Variants in MYOM1 observed in about 807,000 individuals in gnomAD.
The protein encoded by MYOM1 is myomesin-1.
MYOM1 carries 164 observed loss-of-function variants against 205.3 expected under a neutral mutation model. The observed-to-expected ratio is 0.80, with a 90% confidence interval of 0.70 to 0.91. The LOEUF (loss-of-function observed/expected upper bound fraction) is 0.91, where lower values mean the gene tolerates loss of function less well. Among genes scored for constraint, MYOM1 ranks in the 40% least tolerant of loss-of-function variants. MYOM1 has a pLI of 0.00. For missense variants in MYOM1, 2,011 were observed against 2,127.3 expected (o/e 0.95, Z 1.08); for synonymous variants, 772 against 789.4 (o/e 0.98, Z 0.37).
At chr18:3,147,818 T>G (rs115838478) in intron 13 of MYOM1, among the ~76,000 whole-genome samples, 1 of 152,184 alleles carries the variant, frequency 6.6e-6, no homozygotes, top group African/African-American at 2.4e-5. Flanking sequence ...ATAGTAATAA[T>G]TGAGGCCCTT....
At chr18:3,127,945 G>A (rs1274675883) in intron 18 of MYOM1, among the ~76,000 whole-genome samples, 1 of 152,112 alleles carries the variant, frequency 6.6e-6, no homozygotes, top group Non-Finnish European at 1.5e-5. Flanking sequence ...CATTTATGTG[G>A]CTTTGCTGAT....
At chr18:3,085,220 C>A in intron 30 of MYOM1, 88 bp from the exon 31 acceptor site, 1 of 244,872 alleles carries the variant, frequency 4.1e-6, no homozygotes, top group South Asian at 4.5e-5. Flanking sequence ...GCTTCTTCTG[C>A]TGCTGCTGCT....
Position 3,105,458 on chromosome 18 carries a change from C to T in MYOM1, c.3419-2828G>A, listed in dbSNP as rs563966959. On this transcript the variant is annotated intron_variant, in intron 22 of 37. Transcript: ENST00000356443. ...AAATTTTAAAGTATTAATGCTTTAG[C>T]GGTAAACCCTCAGGCAAATGGAACA... Among the ~76,000 whole-genome samples the T allele has an allele frequency of 2.1e-4, 32 of 152,224 alleles. No individual in the cohort carries two copies. In the East Asian group the frequency reaches 2.3e-3, roughly 11 times the overall value.
At chr18:3,177,479 ATTATTAT>A (rs1362281217) in intron 5 of MYOM1, among the ~76,000 whole-genome samples, 1 of 146,142 alleles carries the variant, frequency 6.8e-6, no homozygotes, top group Non-Finnish European at 1.5e-5. Flanking sequence ...TATTATTATT[ATTATTAT>A]TTGAGACAGA....
upstream of MYOM1, among the ~76,000 whole-genome samples, chr18:3,223,507 G>C (rs914267994): frequency 1.7e-4 from 26 of 152,252 alleles, no homozygotes; most frequent in African/African-American, 6.3e-4. Flanking sequence ...CTAGTCCTGT[G>C]GTTTACTGAG....
intron 2 of MYOM1, among the ~76,000 whole-genome samples, chr18:3,200,916 A>C: frequency 6.6e-6 from 1 of 152,206 alleles, no homozygotes; most frequent in East Asian, 1.9e-4. Context: ...ACAGAAAAAG[A>C]TACTTAGACC....
chr18:3,149,030 T>G (rs2143976218), intron 13 of MYOM1, 115 bp downstream of exon 13: 1 of 811,130 alleles, frequency 1.2e-6, no homozygotes, highest in East Asian at 2.5e-5. Context: ...CTCCAGATAT[T>G]TTAGAATGTT....
chr18:3,183,909 CTTTT>C (rs1555627860), intron 5 of MYOM1, among the ~76,000 whole-genome samples: 1 of 143,400 alleles, frequency 7.0e-6, no homozygotes. Context: ...CGTTCTCTCT[CTTTT>C]TTTTTTTTTT....
chr18:3,160,520 G>T (rs1265725992), intron 10 of MYOM1, among the ~76,000 whole-genome samples: 2 of 152,100 alleles, frequency 1.3e-5, no homozygotes, highest in South Asian at 2.1e-4. Flanking sequence ...GGTAATGGTT[G>T]CCCAACTCTG....
At chr18:3,222,456 G>A (rs1022780941), upstream of MYOM1, among the ~76,000 whole-genome samples, 2 of 152,154 alleles carry the variant, frequency 1.3e-5, no homozygotes, top group African/African-American at 4.8e-5. Flanking sequence ...CAGGGATCTT[G>A]AGTATCAATG....
intron 13 of MYOM1, among the ~76,000 whole-genome samples, chr18:3,147,297 C>T (rs903654729): frequency 3.3e-5 from 5 of 151,094 alleles, no homozygotes; most frequent in African/African-American, 4.9e-5. Context: ...GAGGAGCAAA[C>T]GAATGTATGA....
At chr18:3,089,896 G>C (rs1446357293) in intron 27 of MYOM1, among the ~76,000 whole-genome samples, 1 of 152,202 alleles carries the variant, frequency 6.6e-6, no homozygotes, top group Non-Finnish European at 1.5e-5. Flanking sequence ...TAAGTGAGCA[G>C]CTGATTTACT....
rs1448213576 is a variant in MYOM1 at position 3,214,998 on chromosome 18, G to A, written c.226C>T (p.His76Tyr). Residue 76 changes from histidine to tyrosine, a missense_variant, in exon 2 of 38, where the codon CAC becomes TAC. His to Tyr is a moderately conservative substitution (Grantham distance 83). Transcript: ENST00000356443. ...ASSSQQQASQ[H>Y]ALSSEVSRKA... ...CGACTGACTTCAGAGCTCAGGGCGT[G>A]CTGCGAGGCCTGCTGCTGGGAGGAG... 1.2e-6 allele frequency: 2 copies of A among 1,611,788 alleles called. No homozygotes were observed. The highest frequency in any genetic ancestry group is 4.5e-5 in the East Asian group (2 of 44,792).
rs2080698445 is a variant in MYOM1 at position 3,179,492 on chromosome 18, T to A, written c.930-3358A>T. On this transcript the variant is annotated intron_variant, in intron 5 of 37. Transcript: ENST00000356443. This position sits in a 1 kb window ranked among gnomAD's most constrained non-coding sequence, Gnocchi z 4.4. ...AATAAATGCACACGAAGAAAGTAAGTTGACAGTCTCAGTTCCCTCAGATGT... is the reference window on the plus strand; with the variant it reads ...AATAAATGCACACGAAGAAAGTAAGATGACAGTCTCAGTTCCCTCAGATGT... Among the ~76,000 whole-genome samples the A allele has an allele frequency of 6.6e-6, 1 of 152,182 alleles. No individual in the cohort carries two copies.
chr18:3,084,261 C>A (rs186336282), intron 31 of MYOM1, among the ~76,000 whole-genome samples: 1 of 151,966 alleles, frequency 6.6e-6, no homozygotes, highest in Non-Finnish European at 1.5e-5. Flanking sequence ...TTGTCACAAT[C>A]GCCATATTTA....
the MYOM1 span, among the ~76,000 whole-genome samples, chr18:3,242,570 A>T: frequency 2.6e-5 from 4 of 152,152 alleles, no homozygotes; most frequent in African/African-American, 9.7e-5. Context: ...GGGCAGCGGC[A>T]TGATCTCGGC....
intron 28 of MYOM1, 45 bp downstream of exon 28, chr18:3,089,492 A>G: frequency 6.9e-7 from 1 of 1,444,878 alleles, no homozygotes; most frequent in Non-Finnish European, 9.5e-7. Flanking sequence ...AATCTTTTGT[A>G]CAAAAAAATT....
In MYOM1 at chr18:3,122,106, G is replaced by A. The variant is rs558332489; in HGVS notation, c.2992-2111C>T. Among the ~76,000 whole-genome samples, 16 of 151,910 alleles carry A rather than the reference G, an allele frequency of 1.1e-4. No individual in the cohort carries two copies. In the East Asian group the frequency reaches 2.7e-3, roughly 26 times the overall value. On this transcript the variant is annotated intron_variant, in intron 19 of 37. Coordinates refer to ENST00000356443, the MANE Select transcript of MYOM1 (RefSeq NM_003803.4). ...TGTACTCCAGCCTCAGGGACAGAGT[G>A]AGACTTTGTCTCAAAAAAAGAGAAA... is the stretch of plus-strand genomic sequence containing the variant.
chr18:3,075,786 G>A, intron 34 of MYOM1, 25 bp from the exon 35 acceptor site: 1 of 1,556,460 alleles, frequency 6.4e-7, no homozygotes, highest in Non-Finnish European at 8.7e-7. Flanking sequence ...AGAAAAGTTA[G>A]AATTTTCTCA....
Sources: gnomAD v4.1 joint callset for allele counts (sites outside exome capture counted in the v4.1 genomes callset) on GRCh38, gnomAD v4.1.1 for gene constraint, Gnocchi (gnomAD v3.1) non-coding constraint, MANE v1.5 for transcripts, NCBI Gene and HGNC (gene_info 2026-07-23, HGNC 2026-07-21) for gene names.